The following SOX6 variants were observed in gnomAD, a reference collection of about 807,000 sequenced individuals.
SOX6 encodes the protein SRY-box transcription factor 6, also known as transcription factor SOX-6.
A neutral mutation model predicts 97.8 loss-of-function variants in SOX6; 11 were observed. The ratio of observed to expected loss-of-function variants is 0.11; its 90% CI spans 0.07 to 0.19. The LOEUF is 0.19. Among genes scored for constraint, SOX6 ranks in the 10% least tolerant of loss-of-function variants. The pLI, the probability that SOX6 is intolerant of heterozygous loss-of-function variation, is 1.00. For synonymous variants in SOX6, 360 were observed against 371.4 expected (o/e 0.97, Z 0.35); for missense variants, 810 against 1,039.5 (o/e 0.78, Z 3.04).
At chr11:16,622,353 T>C (rs1427665246) in intron 3 of SOX6, among the ~76,000 whole-genome samples, 1 of 152,224 alleles carries the variant, frequency 6.6e-6, no homozygotes, top group Non-Finnish European at 1.5e-5. Flanking sequence ...ATTTCTGAGA[T>C]TTGGGTACAC....
chr11:16,301,763 T>C (rs1289661241), intron 3 of SOX6, among the ~76,000 whole-genome samples: 2 of 152,004 alleles, frequency 1.3e-5, no homozygotes, highest in Admixed American at 1.3e-4. Context: ...AAAGCAACAA[T>C]GATAATTTGA....
At chr11:16,541,246 T>C (rs567281640) in intron 4 of SOX6, among the ~76,000 whole-genome samples, 29 of 152,324 alleles carry the variant, frequency 1.9e-4, no homozygotes, top group Admixed American at 1.4e-3. Context: ...TAATAAATGA[T>C]GCTGGGAAAA....
At chr11:16,722,803 C>T (rs1590064915) in intron 2 of SOX6, among the ~76,000 whole-genome samples, 1 of 152,170 alleles carries the variant, frequency 6.6e-6, no homozygotes, top group Non-Finnish European at 1.5e-5. Context: ...GTCAAAATGG[C>T]TGTTATTAAA....
intron 1 of SOX6, among the ~76,000 whole-genome samples, chr11:16,348,095 C>T (rs905747888): frequency 2.0e-5 from 3 of 151,958 alleles, no homozygotes; most frequent in African/African-American, 7.2e-5. Flanking sequence ...AGGAGAAAAA[C>T]AACCATGGCT....
intron 1 of SOX6, among the ~76,000 whole-genome samples, chr11:16,439,554 C>T (rs1433072498): frequency 6.6e-6 from 1 of 152,186 alleles, no homozygotes. Flanking sequence ...GACCTTCCAA[C>T]TGATCTGAAT....
chr11:16,357,966 C>T (rs942326235), upstream of SOX6, among the ~76,000 whole-genome samples: 4 of 152,148 alleles, frequency 2.6e-5, no homozygotes, highest in Non-Finnish European at 4.4e-5. Flanking sequence ...ATGTCAATCT[C>T]TCTGGCCTTT....
intron 4 of SOX6, chr11:16,484,704 C>A (rs1209283863): frequency 1.7e-6 from 1 of 582,920 alleles, no homozygotes; most frequent in East Asian, 3.0e-5. Flanking sequence ...CCACCCAGAA[C>A]CGTGCCTAGT....
rs754300153 is a variant in SOX6, at chr11:16,049,965, T to C, written c.1252-27A>G. The stretch of plus-strand genomic sequence containing the variant: ...TACAAGAGTTTAACGTAAATAATTA[T>C]TTTTACAAAAGACAAATGAAGCACA... On this transcript the variant is annotated intron_variant, in intron 10 of 15. Transcript: ENST00000683767. The C allele has an allele frequency of 6.2e-6, 10 of 1,611,566 alleles. No individual in the cohort carries two copies. In the East Asian group the frequency reaches 2.0e-4, roughly 32 times the overall value.
rs543307391 is a variant in SOX6 at position 16,681,882 on chromosome 11, G to A, written n.429+32948C>T. 7.1e-3 allele frequency among the ~76,000 whole-genome samples: 1,075 copies of A among 152,202 alleles called. 11 individuals carry two copies. Among genetic ancestry groups the A allele is most frequent in the African/African-American group, 0.025 (1,022 of 41,522 alleles). ...TCTAGAAGAAATGGATAAATTCCTC[G>A]ACACATACACCCTGCTAAGACTAAA... is the stretch of plus-strand genomic sequence containing the variant. On this transcript the variant is annotated intron_variant and non_coding_transcript_variant, in intron 3 of 5. Coordinates refer to the SOX6 transcript ENST00000524520.
rs1254323748 is a variant in SOX6 at position 15,985,469 on chromosome 11, A to G, written c.2183+735T>C. Among the ~76,000 whole-genome samples, 4 of 152,196 alleles carry G rather than the reference A, an allele frequency of 2.6e-5. No individual in the cohort carries two copies. In the South Asian group the frequency reaches 8.3e-4, roughly 32 times the overall value. ...GGATTTGCCACCCTGCTGTGCTTCT[A>G]GGTCTGGGTATGCTGGAATCTACAG... On this transcript the variant is annotated intron_variant, in intron 15 of 15. Transcript: ENST00000683767.
intron 3 of SOX6, among the ~76,000 whole-genome samples, chr11:16,310,510 A>T (rs1855569026): frequency 6.6e-6 from 1 of 152,080 alleles, no homozygotes; most frequent in African/African-American, 2.4e-5. Context: ...CAAATTTTTT[A>T]AAACAGGAGC....
intron 13 of SOX6, among the ~76,000 whole-genome samples, chr11:16,013,186 C>T (rs550022368): frequency 5.9e-5 from 9 of 151,932 alleles, no homozygotes; most frequent in African/African-American, 1.5e-4. Context: ...TCTTTGACAG[C>T]GCGGGTAAGG....
chr11:16,087,731 G>C (rs936806627), intron 9 of SOX6, among the ~76,000 whole-genome samples: 1 of 152,106 alleles, frequency 6.6e-6, no homozygotes. Flanking sequence ...AGATGAGTAA[G>C]ATTTGCAGTC....
chr11:16,204,579 AAAAC>A (rs201539663), intron 4 of SOX6, among the ~76,000 whole-genome samples: 383 of 117,172 alleles, frequency 3.3e-3, no homozygotes, highest in Middle Eastern at 0.024. Context: ...AGAAAGAAAA[AAAAC>A]AACTTTACTT....
intron 15 of SOX6, among the ~76,000 whole-genome samples, chr11:15,981,968 T>C (rs1264170260): frequency 6.6e-6 from 1 of 151,986 alleles, no homozygotes; most frequent in African/African-American, 2.4e-5. Flanking sequence ...TCATTCTACA[T>C]ATGAAGAAAC....
At chr11:16,128,918 T>C (rs1849671116) in intron 6 of SOX6, among the ~76,000 whole-genome samples, 1 of 152,106 alleles carries the variant, frequency 6.6e-6, no homozygotes, top group Admixed American at 6.6e-5. Context: ...AGGAGTGCAA[T>C]AGCGCAATCT....
At chr11:16,275,915 C>T (rs376350081) in intron 3 of SOX6, among the ~76,000 whole-genome samples, 2 of 152,066 alleles carry the variant, frequency 1.3e-5, no homozygotes, top group African/African-American at 4.8e-5. Context: ...ATCTGGGAGA[C>T]TTTTCTTCTC....
intron 4 of SOX6, among the ~76,000 whole-genome samples, chr11:16,586,727 A>T (rs1356377149): frequency 6.6e-6 from 1 of 152,188 alleles, no homozygotes; most frequent in Non-Finnish European, 1.5e-5. Context: ...CTGTAAAAAA[A>T]AAGAAAAGGA....
At chr11:16,193,030 T>G (rs1389210786) in intron 4 of SOX6, among the ~76,000 whole-genome samples, 1 of 152,162 alleles carries the variant, frequency 6.6e-6, no homozygotes, top group Admixed American at 6.5e-5. Flanking sequence ...GGTCATTCAT[T>G]AAATAGATAT....
Sources: gnomAD v4.1 joint callset for allele counts (sites outside exome capture counted in the v4.1 genomes callset) on GRCh38, gnomAD v4.1.1 for gene constraint, MANE v1.5 for transcripts, NCBI Gene and HGNC (gene_info 2026-07-23, HGNC 2026-07-21) for gene names.